Variants in ARHGAP24 observed in about 807,000 individuals in gnomAD.
ARHGAP24 encodes Rho GTPase activating protein 24.
A neutral mutation model predicts 76.4 loss-of-function variants in ARHGAP24; 50 were observed. That is an observed-to-expected ratio of 0.65 (90% confidence interval 0.52 to 0.83). The LOEUF is 0.83. Among genes scored for constraint, ARHGAP24 ranks in the 40% least tolerant of loss-of-function variants. The probability of loss-of-function intolerance (pLI) is 0.00; values close to 1 mark genes in which losing one functional copy is unlikely to be tolerated. For synonymous variants in ARHGAP24, 345 were observed against 323.3 expected (o/e 1.07, Z -0.72); for missense variants, 930 against 914.2 (o/e 1.02, Z -0.22).
chr4:85,873,827 T>A (rs1459296561), intron 3 of ARHGAP24, among the ~76,000 whole-genome samples: 1 of 152,218 alleles, frequency 6.6e-6, no homozygotes, highest in African/African-American at 2.4e-5. Flanking sequence ...ATAATACAGA[T>A]CAGAGCAGTG....
chr4:85,533,621 G>A (rs1030372237), intron 1 of ARHGAP24, among the ~76,000 whole-genome samples: 9 of 152,188 alleles, frequency 5.9e-5, no homozygotes, highest in African/African-American at 2.2e-4. Flanking sequence ...CTCACAGCTT[G>A]CAATGTAACT....
chr4:85,799,306 T>G, intron 3 of ARHGAP24, among the ~76,000 whole-genome samples: 1 of 151,472 alleles, frequency 6.6e-6, no homozygotes, highest in African/African-American at 2.4e-5. Flanking sequence ...TTTAAGGATT[T>G]GCTAAGAAAA....
chr4:85,730,911 A>G (rs1725374292), intron 3 of ARHGAP24, among the ~76,000 whole-genome samples: 1 of 151,586 alleles, frequency 6.6e-6, no homozygotes, highest in Non-Finnish European at 1.5e-5. Flanking sequence ...AATATTTAAT[A>G]TTTACTGAAA....
At chr4:85,925,788 A>T (rs1054947150) in intron 4 of ARHGAP24, among the ~76,000 whole-genome samples, 2 of 152,146 alleles carry the variant, frequency 1.3e-5, no homozygotes, top group Admixed American at 6.5e-5. Flanking sequence ...GCTACTGTAC[A>T]TGAGAGACAC....
intron 2 of ARHGAP24, among the ~76,000 whole-genome samples, chr4:85,687,506 A>G (rs939857783): frequency 4.6e-5 from 7 of 152,194 alleles, no homozygotes; most frequent in African/African-American, 1.7e-4. Context: ...AAGTGGGAAC[A>G]TGTGGTATTT....
chr4:85,606,259 A>G (rs1484486188), intron 2 of ARHGAP24, among the ~76,000 whole-genome samples: 1 of 152,216 alleles, frequency 6.6e-6, no homozygotes, highest in African/African-American at 2.4e-5. Flanking sequence ...CACGCCTGTA[A>G]TCCCAGCACT....
chr4:85,676,556 G>T (rs1445035106), intron 2 of ARHGAP24, among the ~76,000 whole-genome samples: 2 of 152,112 alleles, frequency 1.3e-5, no homozygotes, highest in African/African-American at 4.8e-5. Context: ...AGTGGGAAAA[G>T]AACACTGAAC....
intron 3 of ARHGAP24, among the ~76,000 whole-genome samples, chr4:85,843,212 A>G (rs1256019347): frequency 6.6e-6 from 1 of 152,206 alleles, no homozygotes; most frequent in Non-Finnish European, 1.5e-5. Flanking sequence ...TACCATTAAA[A>G]TGCCACATTG....
intron 2 of ARHGAP24, among the ~76,000 whole-genome samples, chr4:85,657,885 G>T (rs150217823): frequency 6.6e-6 from 1 of 152,264 alleles, no homozygotes; most frequent in Non-Finnish European, 1.5e-5. Flanking sequence ...CTCCCGAATA[G>T]CTGGGGCCAC....
At chr4:85,494,698 TA>T (rs532142296) in intron 1 of ARHGAP24, among the ~76,000 whole-genome samples, 4 of 148,536 alleles carry the variant, frequency 2.7e-5, no homozygotes, top group African/African-American at 9.9e-5. Flanking sequence ...AAATAAAAAA[TA>T]AAAAAAATTA....
At chr4:85,934,964 T>C (rs929244438) in intron 4 of ARHGAP24, among the ~76,000 whole-genome samples, 5 of 152,176 alleles carry the variant, frequency 3.3e-5, no homozygotes, top group Admixed American at 1.3e-4. Context: ...AAGTGGAGAA[T>C]GGCAATAGGT....
chr4:85,683,059 G>A (rs1723266772), intron 2 of ARHGAP24, among the ~76,000 whole-genome samples: 1 of 122,620 alleles, frequency 8.2e-6, no homozygotes. Context: ...CATGAACTGA[G>A]TTAAACCTTT....
intron 4 of ARHGAP24, among the ~76,000 whole-genome samples, chr4:85,933,723 C>G (rs774482291): frequency 1.6e-4 from 24 of 152,186 alleles, no homozygotes; most frequent in Non-Finnish European, 2.9e-4. Context: ...TAACCGATCC[C>G]TTGATTACCT....
intron 3 of ARHGAP24, among the ~76,000 whole-genome samples, chr4:85,733,037 A>G (rs1197007788): frequency 1.6e-5 from 2 of 125,358 alleles, no homozygotes; most frequent in Admixed American, 9.0e-5. Flanking sequence ...TCAACCAGCT[A>G]TAGATCTTAT....
At chr4:85,870,215 G>A (rs1244793140) in intron 3 of ARHGAP24, among the ~76,000 whole-genome samples, 3 of 152,046 alleles carry the variant, frequency 2.0e-5, no homozygotes, top group Non-Finnish European at 4.4e-5. Flanking sequence ...ATATATAATT[G>A]ATATTTTTTC....
At chr4:85,641,326 T>G (rs74352429) in intron 2 of ARHGAP24, among the ~76,000 whole-genome samples, 1,973 of 152,302 alleles carry the variant, frequency 0.013, 44 homozygotes, top group African/African-American at 0.045. Context: ...TATTTTAGCT[T>G]TATATTCCAT....
Position 85,880,448 on chromosome 4 carries a change from T to C in ARHGAP24, c.269-43200T>C, listed in dbSNP as rs150521181. ...TTCCTATGGGCTCAAAGCTTTCTGGTTGCAGTGTTCCACCCACACATTTAA... is the reference window on the plus strand; with the variant it reads ...TTCCTATGGGCTCAAAGCTTTCTGGCTGCAGTGTTCCACCCACACATTTAA... On this transcript the variant is annotated intron_variant, in intron 3 of 9. Coordinates refer to ENST00000395184, the MANE Select transcript of ARHGAP24 (RefSeq NM_001025616.3). Among the ~76,000 whole-genome samples, 125 of 152,306 alleles carry C rather than the reference T, an allele frequency of 8.2e-4. No individual in the cohort carries two copies. The East Asian group carries it at 0.02, about 24-fold the overall frequency.
At chr4:85,934,171 C>A (rs1736502072) in intron 4 of ARHGAP24, among the ~76,000 whole-genome samples, 3 of 152,220 alleles carry the variant, frequency 2.0e-5, no homozygotes, top group Admixed American at 2.0e-4. Context: ...TGCTGTCAAG[C>A]AACTTTCCAC....
intron 2 of ARHGAP24, among the ~76,000 whole-genome samples, chr4:85,640,725 A>T (rs1324855993): frequency 6.6e-6 from 1 of 152,182 alleles, no homozygotes; most frequent in Non-Finnish European, 1.5e-5. Flanking sequence ...ACAATTATTT[A>T]ATATGTAATT....
Sources: allele counts gnomAD v4.1 joint callset (sites outside exome capture counted in the v4.1 genomes callset), GRCh38; gene constraint gnomAD v4.1.1; transcripts MANE v1.5; gene names NCBI Gene and HGNC (gene_info 2026-07-23, HGNC 2026-07-21).